The following PSD3 variants were observed in gnomAD, a reference collection of about 807,000 sequenced individuals.
PSD3 encodes the protein pleckstrin and Sec7 domain containing 3, also known as PH and SEC7 domain-containing protein 3.
PSD3 carries 49 observed loss-of-function variants against 105.5 expected under a neutral mutation model. The ratio of observed to expected loss-of-function variants is 0.46; its 90% confidence interval spans 0.37 to 0.59. PSD3 has a LOEUF of 0.59. Ranked by LOEUF, PSD3 falls within the 20% of genes least tolerant of loss-of-function variation. The pLI is 0.00. For synonymous variants in PSD3, 557 were observed against 457.8 expected (o/e 1.22, Z -2.77); for missense variants, 1,561 against 1,263.8 (o/e 1.24, Z -3.57).
At chr8:19,069,460 T>A (rs769908950) in intron 1 of PSD3, among the ~76,000 whole-genome samples, 1 of 152,216 alleles carries the variant, frequency 6.6e-6, no homozygotes, top group Non-Finnish European at 1.5e-5. Flanking sequence ...GGGCAGAAGC[T>A]GAATTTATGC....
intron 1 of PSD3, among the ~76,000 whole-genome samples, chr8:19,064,496 A>G (rs1329443742): frequency 6.6e-6 from 1 of 152,100 alleles, no homozygotes; most frequent in East Asian, 1.9e-4. Context: ...TCGTTGCCTC[A>G]AGCGTTTATC....
intron 12 of PSD3, among the ~76,000 whole-genome samples, chr8:18,575,894 GA>G (rs1291755528): frequency 6.6e-6 from 1 of 152,066 alleles, no homozygotes; most frequent in Non-Finnish European, 1.5e-5. Context: ...ATCAAAAACT[GA>G]AAAATAGGTA....
intron 2 of PSD3, among the ~76,000 whole-genome samples, chr8:18,935,650 G>T (rs1822067955): frequency 6.6e-6 from 1 of 150,956 alleles, no homozygotes; most frequent in African/African-American, 2.4e-5. Flanking sequence ...AAGCTAGGAT[G>T]ATGCCACTGC....
chr8:19,015,883 ATCCCTGAAGC>A (rs1372709306), upstream of PSD3, among the ~76,000 whole-genome samples: 3 of 152,222 alleles, frequency 2.0e-5, no homozygotes, highest in South Asian at 6.2e-4. Context: ...AATTGGTTTT[ATCCCTGAAGC>A]CAAAATATTT....
chr8:18,538,685 G>C (rs184830496), intron 15 of PSD3, among the ~76,000 whole-genome samples: 2 of 152,202 alleles, frequency 1.3e-5, no homozygotes, highest in South Asian at 4.1e-4. Flanking sequence ...GAGAAAAGAT[G>C]ATAGGGACAG....
rs570851355 is a variant in PSD3 at position 18,830,237 on chromosome 8, C to T, written c.1635-25339G>A. Among the ~76,000 whole-genome samples the T allele has an allele frequency of 9.2e-5, 14 of 152,312 alleles. No homozygotes were observed. In the South Asian group the frequency reaches 2.9e-3, roughly 32 times the overall value. Reference sequence around the variant, plus strand: ...GATTACAGGTGTGAGCCACCGCACCCAGCCAGTAATTTTCTACTGAATGAA... The same window carrying T: ...GATTACAGGTGTGAGCCACCGCACCTAGCCAGTAATTTTCTACTGAATGAA... On this transcript the variant is annotated intron_variant, in intron 4 of 15. Transcript: ENST00000327040.
chr8:18,926,720 G>A (rs1467788449), intron 2 of PSD3, among the ~76,000 whole-genome samples: 3 of 152,108 alleles, frequency 2.0e-5, no homozygotes, highest in Admixed American at 6.5e-5. Context: ...ACACCACAAG[G>A]TGTGGAGATT....
At chr8:18,574,114 T>G (rs1365863973) in intron 13 of PSD3, among the ~76,000 whole-genome samples, 1 of 151,976 alleles carries the variant, frequency 6.6e-6, no homozygotes, top group Non-Finnish European at 1.5e-5. Flanking sequence ...TGATCATGAA[T>G]CAGGACAGAT....
intron 10 of PSD3, among the ~76,000 whole-genome samples, chr8:18,634,516 G>C (rs779698909): frequency 9.2e-5 from 14 of 151,356 alleles, no homozygotes; most frequent in African/African-American, 2.9e-4. Flanking sequence ...GATTTCACTA[G>C]TTTACCATTT....
At chr8:18,617,655 A>G (rs13275678) in intron 11 of PSD3, among the ~76,000 whole-genome samples, 76,764 of 146,754 alleles carry the variant, frequency 0.52, 19,821 homozygotes, top group Middle Eastern at 0.72. Flanking sequence ...AAGGAACTTG[A>G]AAAACCAGTT....
chr8:18,965,864 G>A (rs7006164), intron 1 of PSD3, among the ~76,000 whole-genome samples: 46,429 of 152,092 alleles, frequency 0.31, 7,531 homozygotes, highest in Middle Eastern at 0.52. Flanking sequence ...TAACAGCAGC[G>A]TAAATGCCAG....
chr8:18,889,905 A>C (rs1485663790), intron 2 of PSD3, among the ~76,000 whole-genome samples: 1 of 152,238 alleles, frequency 6.6e-6, no homozygotes, highest in Non-Finnish European at 1.5e-5. Context: ...AGTGCTTTCC[A>C]AAGTTTAGTT....
chr8:19,030,697 C>T (rs535539001), intron 1 of PSD3, among the ~76,000 whole-genome samples: 2 of 152,256 alleles, frequency 1.3e-5, no homozygotes, highest in South Asian at 4.1e-4. Context: ...AATTAAACCT[C>T]TTTTTAATTA....
intron 8 of PSD3, among the ~76,000 whole-genome samples, chr8:18,798,732 G>A (rs1477528012): frequency 2.0e-5 from 3 of 152,000 alleles, no homozygotes; most frequent in African/African-American, 7.2e-5. Flanking sequence ...AAGAGTTCGA[G>A]TAAATGCTAA....
At chr8:18,829,220 G>C (rs1813475262) in intron 4 of PSD3, among the ~76,000 whole-genome samples, 1 of 152,204 alleles carries the variant, frequency 6.6e-6, no homozygotes, top group Non-Finnish European at 1.5e-5. Flanking sequence ...CTGGGTAACA[G>C]TGAGAGAGAC....
chr8:18,631,555 T>C (rs1806894792), intron 11 of PSD3, among the ~76,000 whole-genome samples: 1 of 151,920 alleles, frequency 6.6e-6, no homozygotes, highest in Non-Finnish European at 1.5e-5. Flanking sequence ...GGAGAGTACG[T>C]CCTGGTGACA....
intron 1 of PSD3, among the ~76,000 whole-genome samples, chr8:19,004,592 TAGAC>T (rs1480911498): frequency 6.6e-6 from 1 of 151,916 alleles, no homozygotes; most frequent in Non-Finnish European, 1.5e-5. Flanking sequence ...TAAGAGTAAA[TAGAC>T]AAATAATATA....
chr8:18,813,526 A>G (rs539448558), intron 4 of PSD3, among the ~76,000 whole-genome samples: 69 of 152,226 alleles, frequency 4.5e-4, no homozygotes, highest in Non-Finnish European at 8.8e-4. Context: ...GTCTAGCAGT[A>G]GTGTATTCAT....
At chr8:18,599,810 C>T (rs534801244) in intron 12 of PSD3, among the ~76,000 whole-genome samples, 2 of 152,180 alleles carry the variant, frequency 1.3e-5, no homozygotes, top group East Asian at 1.9e-4. Context: ...ATTTAAGGGG[C>T]GTCCTGGAGC....
Sources: allele counts gnomAD v4.1 joint callset (sites outside exome capture counted in the v4.1 genomes callset), GRCh38; gene constraint gnomAD v4.1.1; transcripts MANE v1.5; gene names NCBI Gene and HGNC (gene_info 2026-07-23, HGNC 2026-07-21).